STX10: variants seen among roughly 807,000 people sequenced by gnomAD.
The protein encoded by STX10 is syntaxin 10, also known as syntaxin-10.
A neutral mutation model predicts 34.1 loss-of-function variants in STX10; 35 were observed. That is an observed-to-expected ratio of 1.03 (90% CI 0.78 to 1.36). STX10 has a LOEUF of 1.36. Ranked by LOEUF, STX10 falls within the 40% of genes most tolerant of loss-of-function variation. STX10 has a pLI of 0.00. For synonymous variants in STX10, 155 were observed against 132.9 expected (o/e 1.17, Z -1.15); for missense variants, 361 against 335.5 (o/e 1.08, Z -0.59).
Position 13,150,018 on chromosome 19 carries a change from G to A in STX10, c.35+121C>T. 7.3e-7 allele frequency: 1 copy of A among 1,370,928 alleles called. No individual in the cohort carries two copies. The highest frequency in any genetic ancestry group is 1.0e-6 in the Non-Finnish European group (1 of 987,876). The allele number at this position is 1,370,928 out of a possible 1,614,324, so 84.9% of individuals were successfully genotyped here. On this transcript the variant is annotated intron_variant, in intron 1 of 7. Transcript: ENST00000587230. This position sits in a 1 kb window ranked among gnomAD's most constrained non-coding sequence, Gnocchi z 4.0. ...GAGACCCCTATATACCCCTGCGTGC[G>A]CCTCCCACTCTGCACCCCGACGGCC... is the stretch of plus-strand genomic sequence containing the variant.
intron 4 of STX10, among the ~76,000 whole-genome samples, 167 bp downstream of exon 4, chr19:13,148,862 G>A (rs2019973995): frequency 6.6e-6 from 1 of 151,772 alleles, no homozygotes; most frequent in Non-Finnish European, 1.5e-5. Flanking sequence ...ACATAGAGAG[G>A]TTCAGGTGCA....
chr19:13,144,303 C>T lies in STX10; in HGVS notation c.*107G>A. ...AGCTCCCCAGGCGGGACCCTCTACT[C>T]TCCAGCTACCCAGGAGGGACCCTCT... On this transcript the variant is annotated 3_prime_UTR_variant, in exon 8 of 8. Coordinates refer to ENST00000587230, the MANE Select transcript of STX10 (RefSeq NM_003765.3). 6.8e-7 allele frequency: 1 copy of T among 1,471,054 alleles called. No individual in the cohort carries two copies. The highest frequency in any genetic ancestry group is 9.2e-7 in the Non-Finnish European group (1 of 1,090,370). 91.1% of individuals were successfully genotyped at this position (1,471,054 alleles called of 1,614,324 possible).
At chr19:13,148,503 CAAAA>C (rs35867694) in intron 4 of STX10, among the ~76,000 whole-genome samples, 6,877 of 75,308 alleles carry the variant, frequency 0.091, 332 homozygotes, top group African/African-American at 0.19. Flanking sequence ...AACTCCATCT[CAAAA>C]AAAAAAAAAA....
intron 4 of STX10, among the ~76,000 whole-genome samples, chr19:13,148,503 C>CAAAAA (rs35867694): frequency 1.3e-5 from 1 of 75,302 alleles, no homozygotes; most frequent in Non-Finnish European, 2.8e-5. Context: ...AACTCCATCT[C>CAAAAA]AAAAAAAAAA....
rs532055623 is a variant in STX10, at chr19:13,150,254, G to A, written c.-81C>T. ...GTTCCCTCCCAACCGAGGAGAACGC[G>A]CCGCCACCCCCGCCCCCGTCACGCC... On this transcript the variant is annotated 5_prime_UTR_variant, in exon 1 of 8. Transcript: ENST00000587230. The surrounding 1 kb of genome is among the most constrained non-coding windows in gnomAD (Gnocchi z 4.0). 4 of 670,082 alleles carry A rather than the reference G, an allele frequency of 6.0e-6. No individual in the cohort carries two copies. The highest frequency in any genetic ancestry group is 1.6e-5 in the South Asian group (1 of 62,508). The allele number at this position is 670,082 out of a possible 1,614,324, so 41.5% of individuals were successfully genotyped here.
In STX10 at chr19:13,144,754, C is replaced by T; in HGVS notation, c.578+10G>A. On this transcript the variant is annotated intron_variant, in intron 6 of 7. Transcript: ENST00000587230. Reference sequence around the variant, plus strand: ...GAGCCCCTGGCCCACCCCCAGGGTCCTGGCCTCACATGCCCTGCTCGTCCA... The same window carrying T: ...GAGCCCCTGGCCCACCCCCAGGGTCTTGGCCTCACATGCCCTGCTCGTCCA... 2 of 1,613,342 alleles carry T rather than the reference C, an allele frequency of 1.2e-6. No individual in the cohort carries two copies. The highest frequency in any genetic ancestry group is 2.2e-5 in the East Asian group (1 of 44,842).
chr19:13,149,928 G>C (rs1427482482), intron 1 of STX10, 31 bp from the exon 2 acceptor site: 2 of 1,533,142 alleles, frequency 1.3e-6, no homozygotes, highest in East Asian at 2.5e-5. Flanking sequence ...GGCGCGGCTG[G>C]GGGCAGGCGG....
Position 13,150,064 on chromosome 19 carries a change from G to T in STX10, c.35+75C>A. 8.7e-7 allele frequency: 1 copy of T among 1,154,350 alleles called. No homozygotes were observed. The highest frequency in any genetic ancestry group is 1.3e-6 in the Non-Finnish European group (1 of 784,080). The allele number at this position is 1,154,350 out of a possible 1,614,324, so 71.5% of individuals were successfully genotyped here. Reference sequence around the variant, plus strand: ...CGGCCTTGCCCAGCCCGCCGGGCACGCTGGGGCCGGCACCCGGGCACTGGC... The same window carrying T: ...CGGCCTTGCCCAGCCCGCCGGGCACTCTGGGGCCGGCACCCGGGCACTGGC... On this transcript the variant is annotated intron_variant, in intron 1 of 7. Coordinates refer to ENST00000587230, the MANE Select transcript of STX10 (RefSeq NM_003765.3). The surrounding 1 kb of genome is among the most constrained non-coding windows in gnomAD (Gnocchi z 4.0).
chr19:13,149,906 A>AG lies in STX10; in HGVS notation c.36-10dup. ...CCGCCTTCTGCACCTCGCTGCGGGC[A>AG]GGGGCACGGCGGGCGCGGCTGGGGG... On this transcript the variant is annotated splice_polypyrimidine_tract_variant and intron_variant, in intron 1 of 7. Coordinates refer to ENST00000587230, the MANE Select transcript of STX10 (RefSeq NM_003765.3). 8 of 1,571,338 alleles carry AG rather than the reference A, an allele frequency of 5.1e-6. No homozygotes were observed. The highest frequency in any genetic ancestry group is 6.9e-6 in the Non-Finnish European group (8 of 1,159,442).
chr19:13,150,077 C>G lies in STX10; in HGVS notation c.35+62G>C. ...CCCGCCGGGCACGCTGGGGCCGGCA[C>G]CCGGGCACTGGCTGGCTTGGGTACA... is the stretch of plus-strand genomic sequence containing the variant. On this transcript the variant is annotated intron_variant, in intron 1 of 7. Coordinates refer to ENST00000587230, the MANE Select transcript of STX10 (RefSeq NM_003765.3). This position sits in a 1 kb window ranked among gnomAD's most constrained non-coding sequence, Gnocchi z 4.0. The G allele has an allele frequency of 8.9e-7, 1 of 1,119,928 alleles. No individual in the cohort carries two copies. The highest frequency in any genetic ancestry group is 1.3e-6 in the Non-Finnish European group (1 of 751,222). 69.4% of individuals were successfully genotyped at this position (1,119,928 alleles called of 1,614,324 possible). A position where few individuals can be genotyped will look rare whatever the true frequency, so the allele number is the denominator to read the frequency against.
chr19:13,150,140 C>A lies in STX10; in HGVS notation c.34G>T (p.Gly12Cys). The A allele has an allele frequency of 1.7e-6, 2 of 1,195,540 alleles. No individual in the cohort carries two copies. Among genetic ancestry groups the A allele is most frequent in the South Asian group, 1.3e-5 (1 of 78,872 alleles). The allele number at this position is 1,195,540 out of a possible 1,614,324, so 74.1% of individuals were successfully genotyped here. ...SLEDPFFVVR[G>C]EVQKAVNTAR... The stretch of plus-strand genomic sequence containing the variant: ...CCCTCCCCCGTCGTTGTCACTCACC[C>A]TCGGACTACAAAAAAGGGGTCTTCG... Residue 12 changes from glycine (G) to cysteine (C), a missense_variant and splice_region_variant, in exon 1 of 8, where the codon GGC becomes TGC. Transcript: ENST00000587230. The surrounding 1 kb of genome is among the most constrained non-coding windows in gnomAD (Gnocchi z 4.0).
chr19:13,149,836 G>A lies in STX10; in HGVS notation c.97C>T (p.Gln33Ter). 1 of 1,613,278 alleles carries A rather than the reference G, an allele frequency of 6.2e-7. No individual in the cohort carries two copies. Among genetic ancestry groups the A allele is most frequent in the Non-Finnish European group, 8.5e-7 (1 of 1,179,904 alleles). Residue 33 changes from glutamine (Q) to a stop codon, truncating the protein, a stop_gained, in exon 2 of 8, where the codon CAG becomes TAG. Transcript: ENST00000587230. LOFTEE classifies it high-confidence loss of function. ...GLYQRWCELL[Q>*]ESAAVGREEL... ...TCGCGTCCGACCGCCGCGCTTTCCT[G>A]CAGGAGCTCGCACCAGCGCTGGTAC...
At chr19:13,148,548 C>G (rs1221389865) in intron 4 of STX10, among the ~76,000 whole-genome samples, 1 of 148,976 alleles carries the variant, frequency 6.7e-6, no homozygotes, top group African/African-American at 2.5e-5. Context: ...GGCATGGTGA[C>G]GAGCACCTGT....
intron 3 of STX10, among the ~76,000 whole-genome samples, 185 bp from the exon 4 acceptor site, chr19:13,149,276 G>A (rs2019987530): frequency 6.6e-6 from 1 of 151,848 alleles, no homozygotes; most frequent in Non-Finnish European, 1.5e-5. Flanking sequence ...GCCGGGTATC[G>A]TGGCAGGCAC....
rs764369044 is a variant in STX10 at position 13,148,980 on chromosome 19, T to G, written c.363+49A>C. ...TGAACACGCACAGAGGGATCTGGCTTGGTTACCCCCAGGGGCTCAGGTGGG... is the reference window on the plus strand; with the variant it reads ...TGAACACGCACAGAGGGATCTGGCTGGGTTACCCCCAGGGGCTCAGGTGGG... On this transcript the variant is annotated intron_variant, in intron 4 of 7. Coordinates refer to ENST00000587230, the MANE Select transcript of STX10 (RefSeq NM_003765.3). The G allele has an allele frequency of 5.3e-6, 8 of 1,519,630 alleles. No homozygotes were observed. The African/African-American group carries it at 1.1e-4, about 21-fold the overall frequency. The allele number at this position is 1,519,630 out of a possible 1,614,324, so 94.1% of individuals were successfully genotyped here.
rs2019978688 is a variant in STX10 at position 13,149,037 on chromosome 19, T to TA, written c.354dup (p.Asn119Ter). ...GGGTCAGGAAGGCTTACCTCTCTGTTATTCCTCTCCAAAAATGCTACGGCT... is the reference window on the plus strand; with the variant it reads ...GGGTCAGGAAGGCTTACCTCTCTGTTAATTCCTCTCCAAAAATGCTACGGCT... On this transcript the variant is annotated frameshift_variant, in exon 4 of 8. Coordinates refer to ENST00000587230, the MANE Select transcript of STX10 (RefSeq NM_003765.3). LOFTEE classifies it high-confidence loss of function. The TA allele has an allele frequency of 6.2e-7, 1 of 1,602,726 alleles. No individual in the cohort carries two copies. Among genetic ancestry groups the TA allele is most frequent in the African/African-American group, 1.3e-5 (1 of 74,672 alleles).
At position 13,150,270 on chromosome 19, in the gene STX10, C is replaced by A; in HGVS notation, c.-97G>T. The A allele has an allele frequency of 4.5e-6, 3 of 661,428 alleles. No individual in the cohort carries two copies. Among genetic ancestry groups the A allele is most frequent in the South Asian group, 1.6e-5 (1 of 61,370 alleles). 41.0% of individuals were successfully genotyped at this position (661,428 alleles called of 1,614,324 possible). A position where few individuals can be genotyped will look rare whatever the true frequency, so the allele number is the denominator to read the frequency against. On this transcript the variant is annotated 5_prime_UTR_variant, in exon 1 of 8. Coordinates refer to ENST00000587230, the MANE Select transcript of STX10 (RefSeq NM_003765.3). The surrounding 1 kb of genome is among the most constrained non-coding windows in gnomAD (Gnocchi z 4.0). ...GGAGAACGCGCCGCCACCCCCGCCCCCGTCACGCCACCATCGAGAGCCGGA... is the reference window on the plus strand; with the variant it reads ...GGAGAACGCGCCGCCACCCCCGCCCACGTCACGCCACCATCGAGAGCCGGA...
intron 3 of STX10, 21 bp downstream of exon 3, chr19:13,149,478 G>A (rs369144813): frequency 4.7e-6 from 7 of 1,489,014 alleles, no homozygotes; most frequent in African/African-American, 2.9e-5. Context: ...CCCACTCCCC[G>A]CCTGCAGGAC....
chr19:13,148,712 C>G (rs949599323), intron 4 of STX10, among the ~76,000 whole-genome samples: 7 of 151,550 alleles, frequency 4.6e-5, no homozygotes, highest in African/African-American at 1.7e-4. Context: ...GGCAGGCATG[C>G]GTCCTGGAAA....
Sources: gnomAD v4.1 joint callset for allele counts (sites outside exome capture counted in the v4.1 genomes callset) on GRCh38, gnomAD v4.1.1 for gene constraint, Gnocchi (gnomAD v3.1) non-coding constraint, MANE v1.5 for transcripts, NCBI Gene and HGNC (gene_info 2026-07-23, HGNC 2026-07-21) for gene names.